SBK1: variants seen among roughly 807,000 people sequenced by gnomAD.
SBK1 encodes serine/threonine-protein kinase SBK1.
SBK1 carries 11 observed loss-of-function variants against 24.4 expected under a neutral mutation model. That is an observed-to-expected ratio of 0.45 (90% CI 0.28 to 0.75). The LOEUF (loss-of-function observed/expected upper bound fraction) is 0.75, where lower values mean the gene tolerates loss of function less well. Among genes scored for constraint, SBK1 ranks in the 30% least tolerant of loss-of-function variants. The probability of loss-of-function intolerance (pLI) is 0.12; values close to 1 mark genes in which losing one functional copy is unlikely to be tolerated. For missense variants in SBK1, 467 were observed against 620.5 expected (o/e 0.75, Z 2.63); for synonymous variants, 308 against 284.4 (o/e 1.08, Z -0.83).
chr16:28,314,149 G>GTTATTA (rs71389548), intron 1 of SBK1, among the ~76,000 whole-genome samples: 1 of 149,056 alleles, frequency 6.7e-6, no homozygotes, highest in Admixed American at 6.7e-5. Flanking sequence ...CGTTATTATT[G>GTTATTA]TTATTATTAT....
At chr16:28,284,608 G>A (rs1378473191) in intron 1 of SBK1, among the ~76,000 whole-genome samples, 1 of 152,210 alleles carries the variant, frequency 6.6e-6, no homozygotes, top group Non-Finnish European at 1.5e-5. Flanking sequence ...TGAGAGAGGA[G>A]GGCATTTCCA....
chr16:28,305,412 G>GT (rs759592740), intron 1 of SBK1, among the ~76,000 whole-genome samples: 1 of 151,492 alleles, frequency 6.6e-6, no homozygotes, highest in Non-Finnish European at 1.5e-5. Flanking sequence ...GGGTTTCACC[G>GT]TGTTGGTCAG....
chr16:28,280,811 C>T (rs767179433), intron 1 of SBK1, among the ~76,000 whole-genome samples: 9 of 152,026 alleles, frequency 5.9e-5, no homozygotes, highest in Non-Finnish European at 8.8e-5. Flanking sequence ...ATTATAGGCG[C>T]ATGCCACCAC....
At chr16:28,301,820 C>A (rs2044681798) in intron 1 of SBK1, among the ~76,000 whole-genome samples, 1 of 152,200 alleles carries the variant, frequency 6.6e-6, no homozygotes, top group Admixed American at 6.5e-5. Context: ...CATTCTCAGC[C>A]CCATTTTACT....
chr16:28,313,109 C>G (rs998599473), intron 1 of SBK1, among the ~76,000 whole-genome samples: 1 of 152,108 alleles, frequency 6.6e-6, no homozygotes, highest in Non-Finnish European at 1.5e-5. Flanking sequence ...GAGGGAAACT[C>G]TGTCTCAAAA....
chr16:28,280,144 T>TATATATATATATATAC (rs1567672155), intron 1 of SBK1, among the ~76,000 whole-genome samples: 15 of 94,950 alleles, frequency 1.6e-4, no homozygotes, highest in African/African-American at 5.6e-4. Flanking sequence ...TATATATATA[T>TATATATATATATATAC]ATATATGTGT....
intron 1 of SBK1, among the ~76,000 whole-genome samples, chr16:28,300,944 A>G (rs939469772): frequency 1.3e-5 from 2 of 152,180 alleles, no homozygotes; most frequent in African/African-American, 4.8e-5. Flanking sequence ...ATCCCGGTGT[A>G]GGAGCTCAGG....
chr16:28,298,112 G>T (rs1425843284), intron 1 of SBK1, among the ~76,000 whole-genome samples: 1 of 152,148 alleles, frequency 6.6e-6, no homozygotes, highest in African/African-American at 2.4e-5. Flanking sequence ...CCCCTCCCCT[G>T]GCTCGCCTCC....
At chr16:28,290,779 C>G (rs971372928), upstream of SBK1, 51 of 152,340 alleles carry the variant, frequency 3.3e-4, no homozygotes, top group African/African-American at 1.2e-3. Context: ...AGGAGGCCGA[C>G]AAGTTAAGAA....
chr16:28,301,350 G>A (rs915700808), intron 1 of SBK1, among the ~76,000 whole-genome samples: 1 of 152,240 alleles, frequency 6.6e-6, no homozygotes, highest in African/African-American at 2.4e-5. Flanking sequence ...CAGGAAGGCA[G>A]CGTCACAAGC....
chr16:28,292,648 C>T lies in SBK1; in HGVS notation c.-660C>T. On this transcript the variant is annotated 5_prime_UTR_variant, in exon 1 of 4. Transcript: ENST00000341901. Reference sequence around the variant, plus strand: ...CGGGGGCCGGGAGCGCAGGGCCGGGCTGCTCGTAGCGGCGGCGACCGAGCC... The same window carrying T: ...CGGGGGCCGGGAGCGCAGGGCCGGGTTGCTCGTAGCGGCGGCGACCGAGCC... 9 of 983,612 alleles carry T rather than the reference C, an allele frequency of 9.1e-6. No homozygotes were observed. Among genetic ancestry groups the T allele is most frequent in the Non-Finnish European group, 1.1e-5 (9 of 829,136 alleles). The allele number at this position is 983,612 out of a possible 1,614,324, so 60.9% of individuals were successfully genotyped here.
chr16:28,298,816 CAG>C (rs2044659508), intron 1 of SBK1, among the ~76,000 whole-genome samples: 1 of 152,212 alleles, frequency 6.6e-6, no homozygotes, highest in Admixed American at 6.5e-5. Flanking sequence ...GGCTGGGAGA[CAG>C]GGCACGGGTG....
At chr16:28,266,371 A>AAAAAGAAAAG (rs372380193) in intron 1 of SBK1, among the ~76,000 whole-genome samples, 224 of 152,164 alleles carry the variant, frequency 1.5e-3, no homozygotes, top group African/African-American at 5.1e-3. Context: ...TGTCTCTTAC[A>AAAAAGAAAAG]AAAAGAAAAG....
At chr16:28,309,857 T>TG (rs2044742518) in intron 1 of SBK1, among the ~76,000 whole-genome samples, 2 of 152,208 alleles carry the variant, frequency 1.3e-5, no homozygotes, top group African/African-American at 4.8e-5. Flanking sequence ...TCTGTGTGTG[T>TG]GCGCATGTGT....
chr16:28,297,927 T>C (rs2044652103), intron 1 of SBK1, among the ~76,000 whole-genome samples: 1 of 152,192 alleles, frequency 6.6e-6, no homozygotes, highest in Admixed American at 6.5e-5. Flanking sequence ...AGGCCCTTCC[T>C]GAGCCTCTTC....
In SBK1 at chr16:28,320,927, C is replaced by T. The variant is rs746661489; in HGVS notation, c.*6C>T. On this transcript the variant is annotated 3_prime_UTR_variant, in exon 4 of 4. Coordinates refer to ENST00000341901, the MANE Select transcript of SBK1 (RefSeq NM_001024401.3). The surrounding 1 kb of genome is among the most constrained non-coding windows in gnomAD (Gnocchi z 8.5). ...CCATCGAGATCTGCGTCTGAGTCGC[C>T]TCCGCCGCCCTCGGACCCGGGAGCA... The T allele has an allele frequency of 4.9e-6, 7 of 1,439,924 alleles. No homozygotes were observed. Among genetic ancestry groups the T allele is most frequent in the South Asian group, 3.9e-5 (3 of 76,416 alleles). 89.2% of individuals were successfully genotyped at this position (1,439,924 alleles called of 1,614,324 possible). A position where few individuals can be genotyped will look rare whatever the true frequency, so the allele number is the denominator to read the frequency against.
At chr16:28,261,849 G>A (rs1449638374) in intron 1 of SBK1, among the ~76,000 whole-genome samples, 4 of 152,166 alleles carry the variant, frequency 2.6e-5, no homozygotes, top group Non-Finnish European at 5.9e-5. Context: ...CGTGAAATCT[G>A]CCCCCTCATC....
chr16:28,282,361 G>GAGA (rs1487782103), intron 1 of SBK1, among the ~76,000 whole-genome samples: 1 of 152,152 alleles, frequency 6.6e-6, no homozygotes, highest in South Asian at 2.1e-4. Flanking sequence ...AGGGGAAGGG[G>GAGA]AGAAGGAGCC....
intron 1 of SBK1, among the ~76,000 whole-genome samples, chr16:28,304,855 G>T (rs533595590): frequency 6.7e-6 from 1 of 148,584 alleles, no homozygotes; most frequent in Non-Finnish European, 1.5e-5. Context: ...TGATCCGCCC[G>T]CCTCTGCCTC....
Sources: gnomAD v4.1 joint callset for allele counts (sites outside exome capture counted in the v4.1 genomes callset) on GRCh38, gnomAD v4.1.1 for gene constraint, Gnocchi (gnomAD v3.1) non-coding constraint, MANE v1.5 for transcripts, NCBI Gene and HGNC (gene_info 2026-07-23, HGNC 2026-07-21) for gene names.